The following TMEM38B variants were observed in gnomAD, a reference collection of about 807,000 sequenced individuals.
TMEM38B encodes transmembrane protein 38B, also known as trimeric intracellular cation channel type B.
In TMEM38B, 24 loss-of-function variants were observed where a neutral mutation model predicts 28.7. That is an observed-to-expected ratio of 0.84 (90% CI 0.61 to 1.18). TMEM38B has a LOEUF of 1.18. Among genes scored for constraint, TMEM38B ranks in the 50% most tolerant of loss-of-function variants. TMEM38B has a pLI of 0.00. For synonymous variants in TMEM38B, 131 were observed against 127.7 expected (o/e 1.03, Z -0.17); for missense variants, 380 against 350.9 (o/e 1.08, Z -0.66).
chr9:105,694,618 C>T lies in TMEM38B; in HGVS notation c.-43C>T, dbSNP rs780117914. On this transcript the variant is annotated 5_prime_UTR_variant, in exon 1 of 6. Coordinates refer to ENST00000374692, the MANE Select transcript of TMEM38B (RefSeq NM_018112.3). Reference sequence around the variant, plus strand: ...CTCCTCACCGCGCGAGCGCGGGGAACCAGTAGCCGCGGCTGCTTCGGTTGC... The same window carrying T: ...CTCCTCACCGCGCGAGCGCGGGGAATCAGTAGCCGCGGCTGCTTCGGTTGC... 1 of 1,554,568 alleles carries T rather than the reference C, an allele frequency of 6.4e-7. No individual in the cohort carries two copies. The highest frequency in any genetic ancestry group is 8.9e-7 in the Non-Finnish European group (1 of 1,127,426).
intron 4 of TMEM38B, among the ~76,000 whole-genome samples, chr9:105,730,448 G>T (rs2133590100): frequency 6.6e-6 from 1 of 152,226 alleles, no homozygotes; most frequent in Non-Finnish European, 1.5e-5. Flanking sequence ...TAAACTTTTT[G>T]ATGTGCTGCT....
At chr9:105,715,753 C>T (rs1405203482) in intron 2 of TMEM38B, among the ~76,000 whole-genome samples, 3 of 151,792 alleles carry the variant, frequency 2.0e-5, no homozygotes, top group Non-Finnish European at 2.9e-5. Flanking sequence ...CTTTGGTTCT[C>T]AGTTTTGCTT....
chr9:105,718,578 G>A (rs1836198750), intron 2 of TMEM38B, among the ~76,000 whole-genome samples: 1 of 152,098 alleles, frequency 6.6e-6, no homozygotes, highest in Non-Finnish European at 1.5e-5. Context: ...TGTTAGAAAT[G>A]TTTTTAAACA....
chr9:105,709,616 T>C (rs1345197130), intron 2 of TMEM38B, among the ~76,000 whole-genome samples: 1 of 152,194 alleles, frequency 6.6e-6, no homozygotes, highest in Non-Finnish European at 1.5e-5. Flanking sequence ...TCAATAAATA[T>C]TTGCTGAACA....
At chr9:105,721,861 G>T in intron 3 of TMEM38B, 140 bp downstream of exon 3, 1 of 634,704 alleles carries the variant, frequency 1.6e-6, no homozygotes, top group Non-Finnish European at 2.5e-6. Flanking sequence ...CCTTGTTTCT[G>T]TTGGCTGGTA....
chr9:105,739,478 C>T (rs1837110649), intron 4 of TMEM38B, among the ~76,000 whole-genome samples: 1 of 152,056 alleles, frequency 6.6e-6, no homozygotes, highest in South Asian at 2.1e-4. Flanking sequence ...ATAACATTGA[C>T]CCCGTAGATG....
Position 105,772,014 on chromosome 9 carries a change from T to A in TMEM38B, c.661-1851T>A, listed in dbSNP as rs1826560296. Among the ~76,000 whole-genome samples the A allele has an allele frequency of 2.6e-5, 4 of 152,218 alleles. No homozygotes were observed. In the South Asian group the frequency reaches 8.3e-4, roughly 32 times the overall value. ...TTTAATCATATTGTTAGTTTTAGAC[T>A]TAGTGCTGTATTGTACTTCAGTTTG... On this transcript the variant is annotated intron_variant, in intron 5 of 5. Transcript: ENST00000374692.
intron 2 of TMEM38B, among the ~76,000 whole-genome samples, chr9:105,711,301 C>T (rs112770653): frequency 6.6e-6 from 1 of 151,890 alleles, no homozygotes; most frequent in African/African-American, 2.4e-5. Flanking sequence ...ATTAGCTGAG[C>T]GTGGTGGCCT....
chr9:105,739,850 C>T (rs111555652), intron 4 of TMEM38B, among the ~76,000 whole-genome samples: 201 of 151,746 alleles, frequency 1.3e-3, no homozygotes, highest in African/African-American at 4.6e-3. Flanking sequence ...AATGTATGAA[C>T]ATGGGATAGC....
chr9:105,749,628 C>G (rs1467472360), intron 5 of TMEM38B, among the ~76,000 whole-genome samples: 1 of 151,332 alleles, frequency 6.6e-6, no homozygotes, highest in Admixed American at 6.6e-5. Context: ...TTAGTATATT[C>G]ATGGATTTGT....
At chr9:105,752,501 A>G (rs985689465) in intron 5 of TMEM38B, among the ~76,000 whole-genome samples, 6 of 152,182 alleles carry the variant, frequency 3.9e-5, no homozygotes, top group African/African-American at 1.4e-4. Flanking sequence ...TTTCATAGCC[A>G]TCACTGATGA....
At chr9:105,724,409 C>T (rs571364606) in intron 4 of TMEM38B, among the ~76,000 whole-genome samples, 68 of 151,836 alleles carry the variant, frequency 4.5e-4, no homozygotes, top group African/African-American at 1.6e-3. Context: ...CCGAGGCAGG[C>T]GTCAGGAGTT....
intron 5 of TMEM38B, among the ~76,000 whole-genome samples, chr9:105,773,366 A>G (rs771155821): frequency 2.6e-5 from 4 of 152,148 alleles, no homozygotes; most frequent in Non-Finnish European, 5.9e-5. Context: ...CAGTGTATTT[A>G]GTAATCGAAC....
At chr9:105,758,397 C>G in intron 5 of TMEM38B, 1 of 1,325,598 alleles carries the variant, frequency 7.5e-7, no homozygotes, top group Non-Finnish European at 1.1e-6. Flanking sequence ...CACATCTTTT[C>G]GAGCAGGAAT....
chr9:105,744,756 G>T (rs1588446138), intron 4 of TMEM38B, among the ~76,000 whole-genome samples: 2 of 151,858 alleles, frequency 1.3e-5, no homozygotes, highest in Non-Finnish European at 2.9e-5. Context: ...CCCATGACAG[G>T]CCCTGGTGTG....
At chr9:105,760,250 C>T (rs904949904) in intron 5 of TMEM38B, 8 of 809,512 alleles carry the variant, frequency 9.9e-6, no homozygotes, top group African/African-American at 5.0e-5. Flanking sequence ...ATGAAATCAC[C>T]GATGATACAT....
intron 4 of TMEM38B, among the ~76,000 whole-genome samples, chr9:105,732,505 G>C (rs547574816): frequency 5.3e-5 from 8 of 152,090 alleles, no homozygotes; most frequent in Admixed American, 5.2e-4. Flanking sequence ...AGGAAGGGAT[G>C]CAGTTTCTGT....
At chr9:105,696,240 G>GT (rs1835284100) in intron 1 of TMEM38B, among the ~76,000 whole-genome samples, 1 of 152,096 alleles carries the variant, frequency 6.6e-6, no homozygotes, top group Non-Finnish European at 1.5e-5. Flanking sequence ...CTCACTAAAT[G>GT]TTTTTTGTTT....
chr9:105,768,290 A>G (rs139153954), intron 5 of TMEM38B, among the ~76,000 whole-genome samples: 85 of 152,254 alleles, frequency 5.6e-4, no homozygotes, highest in African/African-American at 1.9e-3. Flanking sequence ...CCATTTAGTC[A>G]TGATGCGGTA....
Sources: allele counts gnomAD v4.1 joint callset (sites outside exome capture counted in the v4.1 genomes callset), GRCh38; gene constraint gnomAD v4.1.1; transcripts MANE v1.5; gene names NCBI Gene and HGNC (gene_info 2026-07-23, HGNC 2026-07-21).